The following TMEM131 variants were observed in gnomAD, a reference collection of about 807,000 sequenced individuals.
The protein encoded by TMEM131 is 2610524E03Rik.
A neutral mutation model predicts 211.6 loss-of-function variants in TMEM131; 66 were observed. The ratio of observed to expected loss-of-function variants is 0.31; its 90% CI spans 0.26 to 0.38. TMEM131 has a LOEUF of 0.38. Ranked by LOEUF, TMEM131 falls within the 10% of genes least tolerant of loss-of-function variation. The pLI is 1.00. For synonymous variants in TMEM131, 844 were observed against 841.3 expected (o/e 1.00, Z -0.06); for missense variants, 2,036 against 2,299.3 (o/e 0.89, Z 2.34).
intron 3 of TMEM131, among the ~76,000 whole-genome samples, chr2:97,889,593 T>C (rs1039879776): frequency 6.7e-6 from 1 of 148,752 alleles, no homozygotes; most frequent in African/African-American, 2.4e-5. Flanking sequence ...TATAATGTAA[T>C]ATATATTCCT....
At chr2:97,953,245 AG>A in intron 1 of TMEM131, among the ~76,000 whole-genome samples, 1 of 152,366 alleles carries the variant, frequency 6.6e-6, no homozygotes, top group East Asian at 1.9e-4. Flanking sequence ...TAAAAAACAG[AG>A]AAGGCAAAGA....
intron 2 of TMEM131, among the ~76,000 whole-genome samples, chr2:97,923,811 G>A (rs1048820932): frequency 1.3e-5 from 2 of 151,958 alleles, no homozygotes; most frequent in Non-Finnish European, 2.9e-5. Context: ...AGATTAGGCC[G>A]GGCGCAGTGG....
intron 2 of TMEM131, among the ~76,000 whole-genome samples, chr2:97,919,908 G>A (rs1676671305): frequency 6.6e-6 from 1 of 152,194 alleles, no homozygotes; most frequent in African/African-American, 2.4e-5. Flanking sequence ...GAACAGCTCA[G>A]ATCTCCCTAC....
At chr2:97,819,050 G>A (rs1266766803) in intron 11 of TMEM131, among the ~76,000 whole-genome samples, 1 of 152,166 alleles carries the variant, frequency 6.6e-6, no homozygotes. Context: ...CAGTGGAGGC[G>A]ACATGAAAAA....
At chr2:97,991,954 T>C (rs554818805) in intron 1 of TMEM131, among the ~76,000 whole-genome samples, 27 of 152,312 alleles carry the variant, frequency 1.8e-4, no homozygotes, top group African/African-American at 6.5e-4. Flanking sequence ...AAAATGGTCA[T>C]TAGCAAGAGG....
intron 22 of TMEM131, among the ~76,000 whole-genome samples, chr2:97,803,133 T>C (rs868465839): frequency 6.6e-6 from 1 of 152,206 alleles, no homozygotes; most frequent in Non-Finnish European, 1.5e-5. Flanking sequence ...CTATAGTAGA[T>C]AACCTATTTA....
chr2:97,761,142 A>G (rs1281929121), intron 36 of TMEM131: 2 of 500,450 alleles, frequency 4.0e-6, no homozygotes, highest in Non-Finnish European at 7.1e-6. Flanking sequence ...ACTATGAAAG[A>G]GACCAGGGCA....
chr2:97,757,056 A>G lies in TMEM131; in HGVS notation c.*43T>C, dbSNP rs879431683. 7.2e-6 allele frequency: 11 copies of G among 1,529,786 alleles called. No individual in the cohort carries two copies. Among genetic ancestry groups the G allele is most frequent in the African/African-American group, 2.8e-5 (2 of 72,570 alleles). 94.8% of individuals were successfully genotyped at this position (1,529,786 alleles called of 1,614,324 possible). On this transcript the variant is annotated 3_prime_UTR_variant, in exon 41 of 41. Transcript: ENST00000186436. ...ATGTCTCAGAAACTGGCACATCATG[A>G]TCTAGACGAGGGCCCACTATGTTTG...
intron 2 of TMEM131, among the ~76,000 whole-genome samples, chr2:97,919,455 A>T (rs1676646319): frequency 6.6e-6 from 1 of 152,122 alleles, no homozygotes; most frequent in Non-Finnish European, 1.5e-5. Flanking sequence ...AAATTTTATT[A>T]TATATTATTT....
At chr2:97,869,523 G>T (rs1053031107) in intron 4 of TMEM131, among the ~76,000 whole-genome samples, 1 of 152,200 alleles carries the variant, frequency 6.6e-6, no homozygotes, top group African/African-American at 2.4e-5. Context: ...AAGTAGCTTG[G>T]AGTAACAAGA....
chr2:97,835,950 A>T (rs566362761), intron 8 of TMEM131, among the ~76,000 whole-genome samples: 1 of 152,150 alleles, frequency 6.6e-6, no homozygotes, highest in South Asian at 2.1e-4. Context: ...AAAAATCTGA[A>T]TTCTCTTAGG....
At chr2:97,786,134 G>C (rs535356692) in intron 31 of TMEM131, among the ~76,000 whole-genome samples, 1 of 152,318 alleles carries the variant, frequency 6.6e-6, no homozygotes, top group Admixed American at 6.5e-5. Flanking sequence ...TATAGTAATA[G>C]TGTACAGTGG....
intron 5 of TMEM131, among the ~76,000 whole-genome samples, chr2:97,856,110 G>C (rs1022641285): frequency 5.3e-5 from 8 of 152,094 alleles, no homozygotes; most frequent in Non-Finnish European, 1.2e-4. Flanking sequence ...GTTTCCTACT[G>C]TGTGTAAGGC....
intron 1 of TMEM131, among the ~76,000 whole-genome samples, chr2:97,934,058 A>T (rs754987558): frequency 1.3e-5 from 2 of 152,060 alleles, no homozygotes; most frequent in Non-Finnish European, 2.9e-5. Context: ...AGACGAACAC[A>T]CTGGAAAGGA....
chr2:97,943,775 T>C (rs1050472430), intron 1 of TMEM131, among the ~76,000 whole-genome samples: 4 of 152,130 alleles, frequency 2.6e-5, no homozygotes, highest in African/African-American at 9.7e-5. Context: ...GACAGAACAG[T>C]ACTGGAATAA....
intron 1 of TMEM131, among the ~76,000 whole-genome samples, chr2:97,982,605 G>A (rs941398257): frequency 1.3e-5 from 2 of 152,140 alleles, no homozygotes; most frequent in Non-Finnish European, 2.9e-5. Context: ...CAATGTCTGT[G>A]GTAGGCTGAA....
intron 1 of TMEM131, among the ~76,000 whole-genome samples, chr2:97,974,795 G>C (rs553062394): frequency 6.6e-6 from 1 of 151,626 alleles, no homozygotes; most frequent in South Asian, 2.1e-4. Context: ...GACATTTTCA[G>C]AGATATAAAA....
At chr2:97,885,738 T>C (rs35358137) in intron 4 of TMEM131, among the ~76,000 whole-genome samples, 23,472 of 152,176 alleles carry the variant, frequency 0.15, 2,547 homozygotes, top group Middle Eastern at 0.28. Context: ...AATTTGACTA[T>C]AATGTGCCTC....
At chr2:97,868,209 G>T (rs1359685815) in intron 4 of TMEM131, among the ~76,000 whole-genome samples, 3 of 151,974 alleles carry the variant, frequency 2.0e-5, no homozygotes, top group Non-Finnish European at 4.4e-5. Context: ...AGTTTACTTT[G>T]TCCAAATTAA....
Sources: gnomAD v4.1 joint callset for allele counts (sites outside exome capture counted in the v4.1 genomes callset) on GRCh38, gnomAD v4.1.1 for gene constraint, MANE v1.5 for transcripts, NCBI Gene and HGNC (gene_info 2026-07-23, HGNC 2026-07-21) for gene names.